Variants in DCBLD1 observed in about 807,000 individuals in gnomAD.
DCBLD1 encodes the protein discoidin, CUB and LCCL domain-containing protein 1.
In DCBLD1, 57 loss-of-function variants were observed where a neutral mutation model predicts 71.5. The ratio of observed to expected loss-of-function variants is 0.80; its 90% CI spans 0.64 to 0.99. The LOEUF (loss-of-function observed/expected upper bound fraction) is 0.99, where lower values mean the gene tolerates loss of function less well. Among genes scored for constraint, DCBLD1 ranks in the 50% least tolerant of loss-of-function variants. DCBLD1 has a pLI of 0.00. For missense variants in DCBLD1, 891 were observed against 923.5 expected (o/e 0.96, Z 0.46); for synonymous variants, 380 against 363.8 (o/e 1.04, Z -0.51).
intron 1 of DCBLD1, 45 bp from the exon 2 acceptor site, chr6:117,503,722 A>G (rs770624936): frequency 1.3e-6 from 2 of 1,591,732 alleles, no homozygotes; most frequent in East Asian, 4.5e-5. Flanking sequence ...AGTAAGAATT[A>G]ATGACCCCTT....
chr6:117,561,621 C>T, intron 14 of DCBLD1: 3 of 204,170 alleles, frequency 1.5e-5, no homozygotes. Context: ...CTGTCAAGAG[C>T]AAACAATAAC....
intron 2 of DCBLD1, among the ~76,000 whole-genome samples, chr6:117,510,545 A>G (rs1401046264): frequency 6.6e-6 from 1 of 152,172 alleles, no homozygotes; most frequent in Non-Finnish European, 1.5e-5. Flanking sequence ...TCTGTCAGAT[A>G]CGGGATGCCC....
chr6:117,545,802 T>C (rs1779248343), intron 14 of DCBLD1, among the ~76,000 whole-genome samples: 1 of 152,266 alleles, frequency 6.6e-6, no homozygotes. Flanking sequence ...TCTTTTCACC[T>C]GCAGGGGATA....
intron 9 of DCBLD1, chr6:117,539,634 G>T (rs542972623): frequency 3.9e-6 from 1 of 256,282 alleles, no homozygotes; most frequent in African/African-American, 2.3e-5. Flanking sequence ...CACACTTGTA[G>T]TCCTAGATAC....
intron 13 of DCBLD1, 114 bp downstream of exon 13, chr6:117,544,691 G>A (rs1779208189): frequency 3.7e-6 from 4 of 1,074,122 alleles, no homozygotes; most frequent in Non-Finnish European, 5.4e-6. Context: ...AAAGACATAA[G>A]CCCTGTAGCC....
downstream of DCBLD1, among the ~76,000 whole-genome samples, chr6:117,551,278 TG>T (rs1779422548): frequency 6.6e-6 from 1 of 152,180 alleles, no homozygotes; most frequent in Non-Finnish European, 1.5e-5. Context: ...TTTTTTTGGT[TG>T]TTTTCTTTAT....
chr6:117,561,651 T>A (rs1212609061), intron 14 of DCBLD1: 1 of 202,830 alleles, frequency 4.9e-6, no homozygotes, highest in Non-Finnish European at 1.0e-5. Flanking sequence ...GCTTATTCAT[T>A]TGTACAATTA....
chr6:117,566,421 TAA>T (rs972322103), intron 14 of DCBLD1, among the ~76,000 whole-genome samples: 3 of 152,236 alleles, frequency 2.0e-5, no homozygotes, highest in African/African-American at 7.2e-5. Flanking sequence ...CAAGATAATA[TAA>T]GTTGATTCTA....
At chr6:117,544,112 A>G (rs210620) in intron 12 of DCBLD1, among the ~76,000 whole-genome samples, 92,292 of 152,112 alleles carry the variant, frequency 0.61, 28,235 homozygotes, top group South Asian at 0.74. Flanking sequence ...GTAGATATTC[A>G]TAAGTTAAAG....
intron 1 of DCBLD1, among the ~76,000 whole-genome samples, chr6:117,502,274 T>C (rs1184113969): frequency 6.6e-6 from 1 of 152,190 alleles, no homozygotes; most frequent in Admixed American, 6.5e-5. Context: ...ATCTTGGCTG[T>C]CTAAAGTTCC....
Position 117,541,019 on chromosome 6 carries a change from T to A in DCBLD1, c.1351T>A (p.Ser451Thr), listed in dbSNP as rs753979792. ...AAGGCCCATCCCCTCGGAAGAAACATCCACAGGTAGAGCCGTGATTGTCTG... is the reference window on the plus strand; with the variant it reads ...AAGGCCCATCCCCTCGGAAGAAACAACCACAGGTAGAGCCGTGATTGTCTG... Reference protein sequence around the residue: ...ITRPIPSEETSTGINITTVAI... With the variant: ...ITRPIPSEETTTGINITTVAI... Residue 451 changes from serine (S) to threonine (T), a missense_variant, in exon 11 of 15, where the codon TCC becomes ACC. Ser to Thr is a moderately conservative substitution (Grantham distance 58). Transcript: ENST00000338728. 6.8e-6 allele frequency: 11 copies of A among 1,613,998 alleles called. No homozygotes were observed. The highest frequency in any genetic ancestry group is 4.0e-5 in the African/African-American group (3 of 74,904).
At chr6:117,493,142 A>G (rs2114381820) in intron 1 of DCBLD1, among the ~76,000 whole-genome samples, 2 of 152,322 alleles carry the variant, frequency 1.3e-5, no homozygotes, top group East Asian at 3.9e-4. Flanking sequence ...TCACTTTAAA[A>G]AATATTCATG....
chr6:117,541,586 T>C (rs4946264), intron 11 of DCBLD1, among the ~76,000 whole-genome samples: 20,427 of 152,206 alleles, frequency 0.13, 1,875 homozygotes, highest in East Asian at 0.31. Flanking sequence ...CATATAAGTA[T>C]ATAATCTATT....
Position 117,492,430 on chromosome 6 carries a change from T to TCCTG in DCBLD1, c.112+9540_112+9543dup, listed in dbSNP as rs562856622. On this transcript the variant is annotated intron_variant, in intron 1 of 14. Coordinates refer to ENST00000338728, the MANE Select transcript of DCBLD1 (RefSeq NM_001366458.2). ...CAATTCTAAATGCCTTGAAATGGTTTCCTGCCCTTTGTCTCCAAGGATACC... is the reference window on the plus strand; with the variant it reads ...CAATTCTAAATGCCTTGAAATGGTTTCCTGCCTGCCCTTTGTCTCCAAGGATACC... Among the ~76,000 whole-genome samples the TCCTG allele has an allele frequency of 2.0e-4, 30 of 151,984 alleles. No individual in the cohort carries two copies. In the East Asian group the frequency reaches 5.8e-3, roughly 29 times the overall value.
At chr6:117,511,037 G>A (rs576033162) in intron 2 of DCBLD1, among the ~76,000 whole-genome samples, 15 of 152,092 alleles carry the variant, frequency 9.9e-5, no homozygotes, top group Admixed American at 2.0e-4. Context: ...ATCACTTAGC[G>A]GGACCTGGGA....
chr6:117,511,731 A>C (rs1363738263), intron 2 of DCBLD1, among the ~76,000 whole-genome samples: 1 of 152,230 alleles, frequency 6.6e-6, no homozygotes, highest in Non-Finnish European at 1.5e-5. Context: ...GGAAAGCGCA[A>C]GATTGACAGT....
Position 117,545,568 on chromosome 6 carries a change from A to G in DCBLD1, c.1586A>G (p.Lys529Arg). The change falls in exon 14 of 15, where the codon AAG becomes AGG. Residue 529 changes from lysine (K) to arginine (R), a missense_variant. Physicochemically the swap from Lys to Arg is conservative, Grantham distance 26. Transcript: ENST00000338728. ...GATAATGAGAAGGAGATGACACAAA[A>G]GTTAGATCTCATCACAAGTGATATG... Reference protein sequence around the residue: ...SYDNEKEMTQKLDLITSDMAD... With the variant: ...SYDNEKEMTQRLDLITSDMAD... 2 of 1,614,138 alleles carry G rather than the reference A, an allele frequency of 1.2e-6. No homozygotes were observed. Among genetic ancestry groups the G allele is most frequent in the Non-Finnish European group, 1.7e-6 (2 of 1,180,014 alleles).
rs755979574 is a variant in DCBLD1, at chr6:117,538,751, TC to T, written c.893del (p.Ser298TyrfsTer27). ...AGCCCGACTTCAGGACCAAGGCCCA[TC>T]ATGGGCTTCGGGCGACAGTAGCAAC... ...GQARLQDQGP[S>X]WASGDSSNNH... On this transcript the variant is annotated frameshift_variant, in exon 8 of 15. Coordinates refer to ENST00000338728, the MANE Select transcript of DCBLD1 (RefSeq NM_001366458.2). LOFTEE classifies it high-confidence loss of function. 2.5e-6 allele frequency: 4 copies of T among 1,614,050 alleles called. No homozygotes were observed. In the African/African-American group the frequency reaches 5.3e-5, roughly 22 times the overall value.
At chr6:117,544,662 G>GCC (rs1779207377) in intron 13 of DCBLD1, 85 bp downstream of exon 13, 5 of 1,465,452 alleles carry the variant, frequency 3.4e-6, no homozygotes, top group Non-Finnish European at 4.7e-6. Flanking sequence ...GAGGCCAGTG[G>GCC]CCCACATTTA....
Sources: allele counts gnomAD v4.1 joint callset (sites outside exome capture counted in the v4.1 genomes callset), GRCh38; gene constraint gnomAD v4.1.1; transcripts MANE v1.5; gene names NCBI Gene and HGNC (gene_info 2026-07-23, HGNC 2026-07-21).